Variants in SAMD3 observed in about 807,000 individuals in gnomAD.
The protein encoded by SAMD3 is sterile alpha motif domain-containing protein 3.
A neutral mutation model predicts 58.5 loss-of-function variants in SAMD3; 63 were observed. The observed-to-expected ratio is 1.08, with a 90% CI of 0.88 to 1.33. SAMD3 has a LOEUF of 1.33. Ranked by LOEUF, SAMD3 falls within the 40% of genes most tolerant of loss-of-function variation. The pLI is 0.00. For synonymous variants in SAMD3, 220 were observed against 210.3 expected, an observed-to-expected ratio of 1.05 and a Z score of -0.40; for missense variants, 604 against 608.4, an observed-to-expected ratio of 0.99 and a Z score of 0.08.
chr6:130,184,383 C>A (rs1194208550), intron 6 of SAMD3, 55 bp downstream of exon 6: 17 of 1,537,276 alleles, frequency 1.1e-5, no homozygotes, highest in Non-Finnish European at 1.4e-5. Flanking sequence ...GAATTCTACT[C>A]TATTCTGAAA....
At chr6:130,224,681 C>T (rs925657061), upstream of SAMD3, among the ~76,000 whole-genome samples, 13 of 151,406 alleles carry the variant, frequency 8.6e-5, no homozygotes, top group Non-Finnish European at 1.3e-4. Flanking sequence ...TGTAATGGCA[C>T]GATCTCAGCT....
At position 130,146,119 on chromosome 6, in the gene SAMD3, C is replaced by A. The variant is rs753252267; in HGVS notation, c.1086G>T (p.Leu362Phe). ...TDIYKKTRHI[L>F]ESYSENILTS... ...TCAGTATATTTTCTGAATAGGATTC[C>A]AAAATGTGCCTTGTTTTCTTATAAA... Residue 362 changes from leucine to phenylalanine, a missense_variant, in exon 10 of 12, where the codon TTG (leucine) becomes TTT (phenylalanine). Coordinates refer to ENST00000439090, the MANE Select transcript of SAMD3 (RefSeq NM_001017373.4). The A allele has an allele frequency of 6.2e-7, 1 of 1,600,224 alleles. No individual in the cohort carries two copies. Among genetic ancestry groups the A allele is most frequent in the South Asian group, 1.1e-5 (1 of 88,446 alleles).
At chr6:130,316,579 A>G (rs1356280433) in intron 1 of SAMD3, among the ~76,000 whole-genome samples, 5 of 152,180 alleles carry the variant, frequency 3.3e-5, no homozygotes, top group Non-Finnish European at 7.3e-5. Flanking sequence ...ACACCTCACA[A>G]ATACCCCATG....
At chr6:130,355,506 C>T (rs1407201233) in intron 1 of SAMD3, among the ~76,000 whole-genome samples, 1 of 152,214 alleles carries the variant, frequency 6.6e-6, no homozygotes, top group African/African-American at 2.4e-5. Context: ...ACATGTACAA[C>T]TCTTCCTTAA....
At chr6:130,232,553 T>C (rs1562471533) in intron 2 of SAMD3, among the ~76,000 whole-genome samples, 2 of 152,210 alleles carry the variant, frequency 1.3e-5, no homozygotes, top group Admixed American at 6.5e-5. Flanking sequence ...TGAAACACTA[T>C]GTTCTGAGAG....
intron 8 of SAMD3, among the ~76,000 whole-genome samples, chr6:130,173,964 T>G (rs1791485697): frequency 6.6e-6 from 1 of 152,144 alleles, no homozygotes; most frequent in Admixed American, 6.5e-5. Flanking sequence ...ACCTCCCAGC[T>G]CCTTAGTACT....
chr6:130,152,260 G>A (rs1304340663), intron 9 of SAMD3, among the ~76,000 whole-genome samples: 1 of 152,152 alleles, frequency 6.6e-6, no homozygotes, highest in African/African-American at 2.4e-5. Context: ...AGGTATTTGC[G>A]AGGTCAAACT....
chr6:130,164,897 G>C (rs772759852), intron 8 of SAMD3, among the ~76,000 whole-genome samples: 1 of 152,064 alleles, frequency 6.6e-6, no homozygotes, highest in African/African-American at 2.4e-5. Flanking sequence ...GGTTAAACTG[G>C]TAAGTAACAG....
In SAMD3 at chr6:130,333,044, C is replaced by CGTGTGTGTGT. The variant is rs10529435; in HGVS notation, c.-303-19961_-303-19952dup. Reference sequence around the variant, plus strand: ...CAAGACAGGGCCACAGTTGAGTATGCGTGTGTGTGTGTGTGTGTGTGTGTG... The same window carrying CGTGTGTGTGT: ...CAAGACAGGGCCACAGTTGAGTATGCGTGTGTGTGTGTGTGTGTGTGTGTGTGTGTGTGTG... On this transcript the variant is annotated intron_variant, in intron 1 of 13. Coordinates refer to the SAMD3 transcript ENST00000368134. 3.5e-3 allele frequency among the ~76,000 whole-genome samples: 502 copies of CGTGTGTGTGT among 143,648 alleles called. 3 individuals carry two copies. Among genetic ancestry groups the CGTGTGTGTGT allele is most frequent in the Admixed American group, 7.5e-3 (107 of 14,328 alleles). 94.2% of individuals were successfully genotyped at this position (143,648 alleles called of 152,430 possible). A position where few individuals can be genotyped will look rare whatever the true frequency, so the allele number is the denominator to read the frequency against.
At chr6:130,325,674 G>A (rs552262656) in intron 1 of SAMD3, among the ~76,000 whole-genome samples, 25 of 152,240 alleles carry the variant, frequency 1.6e-4, no homozygotes, top group Admixed American at 1.4e-3. Flanking sequence ...AGCCAGTCAA[G>A]GTGACACCAA....
chr6:130,245,210 G>C (rs1299034637), intron 2 of SAMD3, among the ~76,000 whole-genome samples: 1 of 152,158 alleles, frequency 6.6e-6, no homozygotes, highest in Non-Finnish European at 1.5e-5. Flanking sequence ...TTTGAATAGT[G>C]GTTAAAAGTT....
chr6:130,146,177 A>G lies in SAMD3; in HGVS notation c.1028T>C (p.Phe343Ser). The change falls in exon 10 of 12, where the codon TTC becomes TCC. Residue 343 changes from phenylalanine to serine, a missense_variant. Phe to Ser is a radical substitution (Grantham distance 155). Coordinates refer to ENST00000439090, the MANE Select transcript of SAMD3 (RefSeq NM_001017373.4). Reference sequence around the variant, plus strand: ...TCTTGTAAGAAGTTGGAATTCTCTGAACATCTGACAAAAGAAGAAAGCAAT... The same window carrying G: ...TCTTGTAAGAAGTTGGAATTCTCTGGACATCTGACAAAAGAAGAAAGCAAT... ...FPFLKCPYQM[F>S]REFQLLTRTD... The G allele has an allele frequency of 6.4e-7, 1 of 1,565,158 alleles. No individual in the cohort carries two copies. Among genetic ancestry groups the G allele is most frequent in the Middle Eastern group, 1.9e-4 (1 of 5,388 alleles).
At chr6:130,315,579 C>A (rs9492538) in intron 1 of SAMD3, among the ~76,000 whole-genome samples, 64,721 of 151,856 alleles carry the variant, frequency 0.43, 15,390 homozygotes, top group African/African-American at 0.64. Context: ...ATTGTTGACA[C>A]GAATAGAATC....
intron 7 of SAMD3, 38 bp from the exon 8 acceptor site, chr6:130,176,046 T>C (rs1478950917): frequency 4.6e-6 from 7 of 1,536,880 alleles, no homozygotes; most frequent in East Asian, 4.5e-5. Context: ...TTCAAGGAGA[T>C]TGAGATAATC....
At chr6:130,269,682 A>G (rs1774490369) in intron 2 of SAMD3, among the ~76,000 whole-genome samples, 1 of 149,172 alleles carries the variant, frequency 6.7e-6, no homozygotes, top group South Asian at 2.2e-4. Context: ...TTTTTCATTG[A>G]CTGTCTCTAT....
chr6:130,196,073 C>T (rs918236605), intron 5 of SAMD3, among the ~76,000 whole-genome samples: 1 of 152,094 alleles, frequency 6.6e-6, no homozygotes, highest in African/African-American at 2.4e-5. Flanking sequence ...AAGTGCAGGG[C>T]TGTGCAGTCA....
intron 5 of SAMD3, among the ~76,000 whole-genome samples, chr6:130,206,785 T>G (rs1795120932): frequency 6.6e-6 from 1 of 152,152 alleles, no homozygotes; most frequent in Non-Finnish European, 1.5e-5. Context: ...AGTCCTATTT[T>G]TCTCCTCCCC....
At chr6:130,231,441 G>A (rs1268611227) in intron 2 of SAMD3, among the ~76,000 whole-genome samples, 1 of 152,134 alleles carries the variant, frequency 6.6e-6, no homozygotes, top group Admixed American at 6.5e-5. Flanking sequence ...ATGGATGCCT[G>A]TAATCCCAGC....
intron 2 of SAMD3, among the ~76,000 whole-genome samples, chr6:130,265,236 T>C (rs551928926): frequency 6.6e-6 from 1 of 152,292 alleles, no homozygotes; most frequent in Non-Finnish European, 1.5e-5. Context: ...TGTAGAGGTA[T>C]TGGACTCAGT....
Sources: allele counts gnomAD v4.1 joint callset (sites outside exome capture counted in the v4.1 genomes callset), GRCh38; gene constraint gnomAD v4.1.1; transcripts MANE v1.5; gene names NCBI Gene and HGNC (gene_info 2026-07-23, HGNC 2026-07-21).